The following EPS15L1 variants were observed in gnomAD, a reference collection of about 807,000 sequenced individuals.
EPS15L1 encodes epidermal growth factor receptor pathway substrate 15 like 1.
Under a neutral mutation model 117.1 loss-of-function variants are expected in EPS15L1, and 43 were observed. That is an observed-to-expected ratio of 0.37 (90% CI 0.29 to 0.47). The LOEUF (loss-of-function observed/expected upper bound fraction) is 0.47, where lower values mean the gene tolerates loss of function less well. Among genes scored for constraint, EPS15L1 ranks in the 20% least tolerant of loss-of-function variants. The pLI, the probability that EPS15L1 is intolerant of heterozygous loss-of-function variation, is 0.99. For missense variants in EPS15L1, 981 were observed against 1,164.0 expected (o/e 0.84, Z 2.29); for synonymous variants, 459 against 470.5 (o/e 0.98, Z 0.32).
chr19:16,382,247 G>GA (rs1394993140), intron 21 of EPS15L1, among the ~76,000 whole-genome samples: 1 of 152,212 alleles, frequency 6.6e-6, no homozygotes, highest in African/African-American at 2.4e-5. Context: ...CCTAGCTCCA[G>GA]AATGCCCGCG....
intron 6 of EPS15L1, chr19:16,434,937 T>C (rs2092964236): frequency 9.1e-6 from 1 of 109,846 alleles, no homozygotes; most frequent in Non-Finnish European, 1.9e-5. Flanking sequence ...GAAGTCCTCT[T>C]TTTTTTTTTT....
intron 17 of EPS15L1, among the ~76,000 whole-genome samples, chr19:16,394,811 T>G (rs901185666): frequency 6.6e-6 from 1 of 152,024 alleles, no homozygotes; most frequent in African/African-American, 2.4e-5. Flanking sequence ...TACTGAAGGG[T>G]TCAAGGGGGC....
At chr19:16,359,612 A>G (rs571799157) in intron 23 of EPS15L1, among the ~76,000 whole-genome samples, 17 of 152,306 alleles carry the variant, frequency 1.1e-4, no homozygotes, top group African/African-American at 4.1e-4. Flanking sequence ...TGTAATCCCA[A>G]CACTTTGGGA....
chr19:16,428,558 AAAAG>A lies in EPS15L1; in HGVS notation c.558+140_558+143del, dbSNP rs1391639793. 35 of 626,372 alleles carry A rather than the reference AAAAG, an allele frequency of 5.6e-5. 1 individual carries two copies. Among genetic ancestry groups the A allele is most frequent in the Middle Eastern group, 2.6e-4 (1 of 3,838 alleles). 38.8% of individuals were successfully genotyped at this position (626,372 alleles called of 1,614,324 possible). A position where few individuals can be genotyped will look rare whatever the true frequency, so the allele number is the denominator to read the frequency against. On this transcript the variant is annotated intron_variant, in intron 8 of 23. Coordinates refer to ENST00000455140, the MANE Select transcript of EPS15L1 (RefSeq NM_001258374.3). ...AAGGAAGAAAGACAGAAAAGAAAGG[AAAAG>A]AAAGGAAAAGGAAAGGAAAAGAAAA...
rs1248225456 is a variant in EPS15L1, at chr19:16,434,386, C to A, written c.477G>T (p.Leu159=). The A allele has an allele frequency of 1.9e-6, 3 of 1,614,034 alleles. No individual in the cohort carries two copies. The highest frequency in any genetic ancestry group is 2.5e-6 in the Non-Finnish European group (3 of 1,180,002). ...TTACCCTGCCCAGGACATCAAGAGG[C>A]AGCTTTGAGTTCATGAGGACTGGCT... is the stretch of plus-strand genomic sequence containing the variant. ...KVKPVLMNSK[L]PLDVLGRVWD... is the part of the protein sequence containing the mutation. Residue 159 remains leucine (L), a synonymous_variant, in exon 7 of 24, where the codon CTG becomes CTT. Transcript: ENST00000455140.
chr19:16,392,145 A>C (rs541476937), intron 19 of EPS15L1, among the ~76,000 whole-genome samples, 159 bp downstream of exon 19: 8 of 152,194 alleles, frequency 5.3e-5, no homozygotes, highest in Non-Finnish European at 1.0e-4. Flanking sequence ...GCAGGAATGA[A>C]ATCAGCCTGG....
intron 22 of EPS15L1, among the ~76,000 whole-genome samples, chr19:16,368,296 G>A (rs752447796): frequency 4.0e-5 from 6 of 151,748 alleles, no homozygotes; most frequent in Non-Finnish European, 7.4e-5. Context: ...AACAGTGGAC[G>A]CACACATACA....
intron 1 of EPS15L1, among the ~76,000 whole-genome samples, chr19:16,445,627 C>A (rs2093075706): frequency 6.6e-6 from 1 of 152,196 alleles, no homozygotes; most frequent in African/African-American, 2.4e-5. Flanking sequence ...CCCAGGCAGT[C>A]TGTCACTGGC....
chr19:16,417,486 C>T (rs867964480), intron 12 of EPS15L1, 66 bp downstream of exon 12: 16 of 1,383,336 alleles, frequency 1.2e-5, no homozygotes, highest in Middle Eastern at 3.6e-4. Flanking sequence ...TCTGATATTT[C>T]CGATAACAAC....
Position 16,392,440 on chromosome 19 carries a change from T to A in EPS15L1, c.1967A>T (p.Asp656Val). The change falls in exon 19 of 24, where the codon GAT (aspartate) becomes GTT (valine). Residue 656 changes from aspartate (D) to valine (V), a missense_variant and splice_region_variant. Asp to Val is a radical substitution (Grantham distance 152, BLOSUM62 -3). Transcript: ENST00000455140. ...PFAEQQTTSTDPFGGDPFKES... is the reference protein window; with the variant it reads ...PFAEQQTTSTVPFGGDPFKES... The stretch of plus-strand genomic sequence containing the variant: ...TTTGAAAGGGTCCCCTCCAAATGGA[T>A]CTAGAAGGAAAAATGCCCCATAAGT... 2 of 1,613,910 alleles carry A rather than the reference T, an allele frequency of 1.2e-6. No homozygotes were observed. The highest frequency in any genetic ancestry group is 1.3e-5 in the African/African-American group (1 of 74,992).
chr19:16,394,227 G>A (rs1201658536), intron 17 of EPS15L1, among the ~76,000 whole-genome samples: 2 of 152,206 alleles, frequency 1.3e-5, no homozygotes, highest in African/African-American at 4.8e-5. Context: ...TGTTTAAGAT[G>A]AGAAGGAAGG....
chr19:16,416,705 T>A (rs1021008884), intron 12 of EPS15L1, among the ~76,000 whole-genome samples: 2 of 145,446 alleles, frequency 1.4e-5, no homozygotes, highest in Admixed American at 6.9e-5. Flanking sequence ...GAGGCTGAGG[T>A]GGGAGGATTG....
chr19:16,462,059 C>G (rs1177635264), intron 1 of EPS15L1, among the ~76,000 whole-genome samples: 1 of 152,178 alleles, frequency 6.6e-6, no homozygotes, highest in Non-Finnish European at 1.5e-5. Context: ...CATGGTGTGG[C>G]AATCATAGGA....
rs577490630 is a variant in EPS15L1, at chr19:16,470,461, A to T, written c.33+1452T>A. Among the ~76,000 whole-genome samples, 4 of 151,966 alleles carry T rather than the reference A, an allele frequency of 2.6e-5. No homozygotes were observed. In the South Asian group the frequency reaches 8.3e-4, roughly 32 times the overall value. On this transcript the variant is annotated intron_variant, in intron 1 of 23. Coordinates refer to ENST00000455140, the MANE Select transcript of EPS15L1 (RefSeq NM_001258374.3). ...AACTGGGAGTGCTTAGTGCTTTCTC[A>T]TGAAATGATCTTAGGTGATTTTCCC...
At chr19:16,438,830 A>AT (rs200621256) in intron 4 of EPS15L1, among the ~76,000 whole-genome samples, 2,193 of 152,058 alleles carry the variant, frequency 0.014, 13 homozygotes, top group Middle Eastern at 0.044. Flanking sequence ...TATGTGTTGA[A>AT]TTTTTTTTAA....
chr19:16,367,695 T>C (rs184405479), intron 22 of EPS15L1, among the ~76,000 whole-genome samples: 119 of 144,734 alleles, frequency 8.2e-4, no homozygotes, highest in South Asian at 3.0e-3. Context: ...CTGACTTTTC[T>C]ATCTTGCTTT....
intron 13 of EPS15L1, among the ~76,000 whole-genome samples, chr19:16,411,469 G>A (rs928836046): frequency 9.9e-5 from 15 of 152,132 alleles, no homozygotes; most frequent in African/African-American, 2.4e-4. Flanking sequence ...GCCTACTGGC[G>A]CCTACGGGAG....
intron 22 of EPS15L1, among the ~76,000 whole-genome samples, chr19:16,364,640 G>C (rs889942673): frequency 6.6e-5 from 10 of 152,316 alleles, no homozygotes; most frequent in Admixed American, 5.9e-4. Flanking sequence ...AGGCCTCGCT[G>C]CCAGGTCTCC....
At chr19:16,436,797 A>T (rs769930275) in intron 6 of EPS15L1, 140 bp downstream of exon 6, 1 of 654,928 alleles carries the variant, frequency 1.5e-6, no homozygotes, top group Non-Finnish European at 2.6e-6. Context: ...TCACACTGAG[A>T]CAGAAGAGCT....
Sources: allele counts gnomAD v4.1 joint callset (sites outside exome capture counted in the v4.1 genomes callset), GRCh38; gene constraint gnomAD v4.1.1; transcripts MANE v1.5; gene names NCBI Gene and HGNC (gene_info 2026-07-23, HGNC 2026-07-21).